Variants in ABI3BP observed in about 807,000 individuals in gnomAD.
ABI3BP encodes ABI family member 3 binding protein, also known as target of Nesh-SH3.
In ABI3BP, 216 loss-of-function variants were observed where a neutral mutation model predicts 268.6. That is an observed-to-expected ratio of 0.80 (90% CI 0.72 to 0.90). The LOEUF (loss-of-function observed/expected upper bound fraction) is 0.90. ABI3BP is among the 40% of genes least tolerant of loss of function. The pLI is 0.00. For missense variants in ABI3BP, 2,090 were observed against 2,182.4 expected (o/e 0.96, Z 0.84); for synonymous variants, 730 against 730.0 (o/e 1.00, Z 0.00).
chr3:100,824,325 T>C (rs548932901), intron 36 of ABI3BP, among the ~76,000 whole-genome samples: 10 of 152,276 alleles, frequency 6.6e-5, no homozygotes, highest in African/African-American at 2.4e-4. Flanking sequence ...CCTCCATTCA[T>C]CCAAATCCTC....
intron 3 of ABI3BP, among the ~76,000 whole-genome samples, chr3:100,899,473 AAC>A (rs1306929262): frequency 6.6e-6 from 1 of 152,224 alleles, no homozygotes; most frequent in Non-Finnish European, 1.5e-5. Flanking sequence ...GGAAAAGGCA[AAC>A]ACATTTTTTA....
At chr3:100,926,266 T>A (rs2061780990) in intron 2 of ABI3BP, 36 bp downstream of exon 2, 6 of 1,606,294 alleles carry the variant, frequency 3.7e-6, no homozygotes, top group African/African-American at 1.3e-5. Context: ...ACCTCTTACC[T>A]CCTTTCCTTC....
chr3:100,929,424 A>T (rs2062906774), intron 1 of ABI3BP, among the ~76,000 whole-genome samples: 1 of 152,042 alleles, frequency 6.6e-6, no homozygotes, highest in Admixed American at 6.6e-5. Context: ...TATATCCACA[A>T]ATACATCAAC....
At chr3:100,954,469 A>C (rs749955128) in intron 1 of ABI3BP, among the ~76,000 whole-genome samples, 3 of 152,176 alleles carry the variant, frequency 2.0e-5, no homozygotes, top group Non-Finnish European at 4.4e-5. Flanking sequence ...CCTTCAGTAC[A>C]TTTATTTTTA....
chr3:100,856,188 A>G (rs1273296435), intron 14 of ABI3BP, among the ~76,000 whole-genome samples: 1 of 152,174 alleles, frequency 6.6e-6, no homozygotes, highest in Non-Finnish European at 1.5e-5. Context: ...ATGTCCTTAT[A>G]TGTTTACTTC....
Position 100,803,287 on chromosome 3 carries a change from T to G in ABI3BP, c.3757+1505A>C, listed in dbSNP as rs919593812. On this transcript the variant is annotated intron_variant, in intron 51 of 67. Coordinates refer to ENST00000471714, the MANE Select transcript of ABI3BP (RefSeq NM_001375547.2). ...TCAAGATCACGGGTTAGAGTTTGTA[T>G]GAAAAGCAAGGTGTTGGTAGAATTA... Among the ~76,000 whole-genome samples the G allele has an allele frequency of 1.3e-4, 19 of 145,256 alleles. 2 individuals carry two copies. The highest frequency in any genetic ancestry group is 4.6e-4 in the African/African-American group (19 of 40,990).
intron 24 of ABI3BP, 79 bp from the exon 25 acceptor site, chr3:100,838,543 A>T (rs1476870796): frequency 8.5e-7 from 1 of 1,176,456 alleles, no homozygotes; most frequent in Non-Finnish European, 1.2e-6. Context: ...TGCAGAACAA[A>T]GACACTATAT....
chr3:100,821,736 G>A (rs1366016312), intron 38 of ABI3BP, among the ~76,000 whole-genome samples: 1 of 151,192 alleles, frequency 6.6e-6, no homozygotes, highest in African/African-American at 2.4e-5. Flanking sequence ...CTGAGTAGCT[G>A]GGATTACAGG....
Position 100,829,659 on chromosome 3 carries a change from T to C in ABI3BP, c.2464A>G (p.Lys822Glu). ...TEASGTTAAP[K>E]VPQRTHRPHP... Reference sequence around the variant, plus strand: ...GGACGATGAGTTCGTTGAGGCACTTTGGGAGCTAAAGGAAGAAAACTTCAG... The same window carrying C: ...GGACGATGAGTTCGTTGAGGCACTTCGGGAGCTAAAGGAAGAAAACTTCAG... The change falls in exon 33 of 68, where the codon AAA becomes GAA. Residue 822 changes from lysine (K) to glutamate (E), a missense_variant. Transcript: ENST00000471714. 1 of 1,535,384 alleles carries C rather than the reference T, an allele frequency of 6.5e-7. No individual in the cohort carries two copies. The highest frequency in any genetic ancestry group is 8.7e-7 in the Non-Finnish European group (1 of 1,146,210).
intron 51 of ABI3BP, among the ~76,000 whole-genome samples, chr3:100,802,483 C>T (rs2097560735): frequency 6.6e-6 from 1 of 152,136 alleles, no homozygotes. Flanking sequence ...TGGAGAAAAG[C>T]CACTTTCATT....
At chr3:100,827,365 T>C (rs2098407267) in intron 34 of ABI3BP, among the ~76,000 whole-genome samples, 1 of 152,072 alleles carries the variant, frequency 6.6e-6, no homozygotes, top group Non-Finnish European at 1.5e-5. Flanking sequence ...CTAAGGGGTA[T>C]GTGAGTCTAT....
chr3:100,768,461 C>T (rs1464564149), intron 62 of ABI3BP, among the ~76,000 whole-genome samples: 1 of 152,126 alleles, frequency 6.6e-6, no homozygotes, highest in African/African-American at 2.4e-5. Flanking sequence ...GATCTAGAAG[C>T]TTTCTTCCTA....
intron 67 of ABI3BP, 21 bp downstream of exon 67, chr3:100,751,531 G>C: frequency 6.4e-7 from 1 of 1,565,914 alleles, no homozygotes; most frequent in Non-Finnish European, 8.7e-7. Flanking sequence ...CTGTTCTTAT[G>C]AGGAGGATCA....
At position 100,792,780 on chromosome 3, in the gene ABI3BP, A is replaced by C; in HGVS notation, c.3947-12T>G. ...TTGGTCTGTTTCTTCTAGAGAAAACACAGTAAGATTGCTTGTTTTAAATAA... is the reference window on the plus strand; with the variant it reads ...TTGGTCTGTTTCTTCTAGAGAAAACCCAGTAAGATTGCTTGTTTTAAATAA... On this transcript the variant is annotated splice_polypyrimidine_tract_variant and intron_variant, in intron 54 of 67. Transcript: ENST00000471714. 6.2e-7 allele frequency: 1 copy of C among 1,607,734 alleles called. No homozygotes were observed. Among genetic ancestry groups the C allele is most frequent in the Non-Finnish European group, 8.5e-7 (1 of 1,175,046 alleles).
At chr3:100,816,062 G>T in intron 43 of ABI3BP, 91 bp from the exon 44 acceptor site, 1 of 998,692 alleles carries the variant, frequency 1.0e-6, no homozygotes, top group Non-Finnish European at 1.4e-6. Context: ...AGTTTCAAAT[G>T]ATACACAATT....
rs1215930552 is a variant in ABI3BP, at chr3:100,834,736, T to C, written c.2229A>G (p.Pro743=). The C allele has an allele frequency of 6.5e-7, 1 of 1,535,758 alleles. No individual in the cohort carries two copies. The highest frequency in any genetic ancestry group is 8.7e-7 in the Non-Finnish European group (1 of 1,146,556). Residue 743 remains proline (P), a synonymous_variant, in exon 29 of 68, where the codon CCA becomes CCG. Coordinates refer to ENST00000471714, the MANE Select transcript of ABI3BP (RefSeq NM_001375547.2). The part of the protein sequence containing the change: ...KTSQRTRTRR[P]RPKHKTTPRP... ...GTGGCGTGGTTTTATGTTTGGGACG[T>C]GGACGACGTGTTCTTGTTCGTTGCG... is the stretch of plus-strand genomic sequence containing the variant.
intron 14 of ABI3BP, among the ~76,000 whole-genome samples, chr3:100,861,070 G>C (rs1376890750): frequency 2.6e-5 from 4 of 152,178 alleles, no homozygotes; most frequent in Non-Finnish European, 5.9e-5. Flanking sequence ...AGGGGTTTTT[G>C]CACCCACTTT....
chr3:100,959,315 C>T (rs988710489), intron 1 of ABI3BP, among the ~76,000 whole-genome samples: 12 of 151,208 alleles, frequency 7.9e-5, no homozygotes, highest in African/African-American at 2.9e-4. Context: ...ACGGTGAAAC[C>T]CCGTCTCTAC....
chr3:100,986,053 AC>A (rs2153977035), intron 1 of ABI3BP, among the ~76,000 whole-genome samples: 1 of 152,306 alleles, frequency 6.6e-6, no homozygotes, highest in African/African-American at 2.4e-5. Context: ...ATGGGTTGTC[AC>A]TTCTGTGATT....
Sources: gnomAD v4.1 joint callset for allele counts (sites outside exome capture counted in the v4.1 genomes callset) on GRCh38, gnomAD v4.1.1 for gene constraint, MANE v1.5 for transcripts, NCBI Gene and HGNC (gene_info 2026-07-23, HGNC 2026-07-21) for gene names.